Variants in ARK2N observed in about 807,000 individuals in gnomAD.
ARK2N encodes the protein protein ARK2N.
the ARK2N span, among the ~76,000 whole-genome samples, chr18:46,249,580 C>T: frequency 6.6e-6 from 1 of 152,208 alleles, no homozygotes; most frequent in Non-Finnish European, 1.5e-5. Flanking sequence ...CACCTGCCCA[C>T]ACCTACTCTC....
chr18:46,206,260 AT>A, the ARK2N span, among the ~76,000 whole-genome samples: 1 of 148,818 alleles, frequency 6.7e-6, no homozygotes, highest in African/African-American at 2.5e-5. Context: ...TAGTTTTTTA[AT>A]TTTTTGTAGA....
At chr18:46,238,316 A>G in the ARK2N span, among the ~76,000 whole-genome samples, 3 of 152,218 alleles carry the variant, frequency 2.0e-5, no homozygotes, top group Non-Finnish European at 2.9e-5. Flanking sequence ...ATATGGTCAA[A>G]TAGTCAATAT....
the ARK2N span, among the ~76,000 whole-genome samples, chr18:46,181,486 C>CT: frequency 6.6e-6 from 1 of 151,782 alleles, no homozygotes; most frequent in Admixed American, 6.6e-5. Flanking sequence ...GAGGCTGAGG[C>CT]GGCGGATCAT....
At chr18:46,197,853 T>C in the ARK2N span, among the ~76,000 whole-genome samples, 1 of 152,234 alleles carries the variant, frequency 6.6e-6, no homozygotes, top group Non-Finnish European at 1.5e-5. Flanking sequence ...TTCTGCATGA[T>C]GTACTTTCAC....
At chr18:46,207,388 C>CTTTTTTTTTTTTTTTTTTT in the ARK2N span, among the ~76,000 whole-genome samples, 15 of 115,906 alleles carry the variant, frequency 1.3e-4, no homozygotes, top group African/African-American at 4.8e-4. Flanking sequence ...AGTTTCTATA[C>CTTTTTTTTTTTTTTTTTTT]TTTTTTTTTT....
chr18:46,245,029 A>G, the ARK2N span, among the ~76,000 whole-genome samples: 1 of 151,906 alleles, frequency 6.6e-6, no homozygotes, highest in Non-Finnish European at 1.5e-5. Flanking sequence ...CTCCTCGTTC[A>G]AGTGATTCTC....
At chr18:46,222,094 C>T in the ARK2N span, among the ~76,000 whole-genome samples, 1 of 152,136 alleles carries the variant, frequency 6.6e-6, no homozygotes, top group African/African-American at 2.4e-5. Context: ...CATCTGATGC[C>T]CAGACCCCAC....
the ARK2N span, among the ~76,000 whole-genome samples, chr18:46,176,370 A>G: frequency 8.4e-3 from 1,279 of 152,164 alleles, 53 homozygotes; most frequent in East Asian, 0.12. Context: ...CACATAACTG[A>G]GGATATGGAA....
the ARK2N span, among the ~76,000 whole-genome samples, chr18:46,207,389 T>C: frequency 2.4e-5 from 1 of 41,760 alleles, no homozygotes; most frequent in African/African-American, 5.7e-5. Flanking sequence ...GTTTCTATAC[T>C]TTTTTTTTTT....
chr18:46,256,264 A>G, the ARK2N span, among the ~76,000 whole-genome samples: 7 of 152,218 alleles, frequency 4.6e-5, no homozygotes, highest in Non-Finnish European at 1.0e-4. Flanking sequence ...ACTCTGTGCT[A>G]AGACATATCA....
the ARK2N span, among the ~76,000 whole-genome samples, chr18:46,260,670 T>G: frequency 6.6e-6 from 1 of 152,224 alleles, no homozygotes; most frequent in African/African-American, 2.4e-5. Context: ...TCTTTTCCTA[T>G]GCCAGACACT....
chr18:46,225,691 A>G, the ARK2N span, among the ~76,000 whole-genome samples: 2 of 152,128 alleles, frequency 1.3e-5, no homozygotes, highest in Non-Finnish European at 2.9e-5. Context: ...CGAACTCCTG[A>G]CCTCGTGCTC....
chr18:46,248,808 C>G, the ARK2N span, among the ~76,000 whole-genome samples: 1 of 152,166 alleles, frequency 6.6e-6, no homozygotes, highest in Non-Finnish European at 1.5e-5. Flanking sequence ...TGGTCTCCAT[C>G]TCTTGACCTC....
the ARK2N span, among the ~76,000 whole-genome samples, chr18:46,236,679 CT>C: frequency 1.3e-5 from 2 of 152,088 alleles, no homozygotes; most frequent in Non-Finnish European, 2.9e-5. Flanking sequence ...GAAGTAATTA[CT>C]TTGATGTTTT....
the ARK2N span, among the ~76,000 whole-genome samples, chr18:46,204,929 CTT>C: frequency 2.0e-3 from 289 of 145,694 alleles, 2 homozygotes; most frequent in Middle Eastern, 0.021. Context: ...TTTCTTTTTT[CTT>C]TTTTTTTTTA....
chr18:46,227,496 G>A, the ARK2N span, among the ~76,000 whole-genome samples: 1 of 152,032 alleles, frequency 6.6e-6, no homozygotes, highest in Non-Finnish European at 1.5e-5. Context: ...GTTAACTTTG[G>A]GGATGGCTTA....
chr18:46,182,683 C>CTTT, the ARK2N span, among the ~76,000 whole-genome samples: 8 of 87,802 alleles, frequency 9.1e-5, no homozygotes, highest in East Asian at 6.4e-4. Context: ...AGCCACAGTG[C>CTTT]TTTTTTTTTT....
chr18:46,209,409 C>T, the ARK2N span, among the ~76,000 whole-genome samples: 1 of 151,014 alleles, frequency 6.6e-6, no homozygotes, highest in Non-Finnish European at 1.5e-5. Context: ...TCCAGATTTT[C>T]ACAAGTAGCC....
At chr18:46,174,609 C>T in the ARK2N span, among the ~76,000 whole-genome samples, 1 of 152,154 alleles carries the variant, frequency 6.6e-6, no homozygotes, top group Non-Finnish European at 1.5e-5. Flanking sequence ...GGAGTTGGCT[C>T]CGGCACTCCA....
Sources: allele counts gnomAD v4.1 joint callset (sites outside exome capture counted in the v4.1 genomes callset), GRCh38; gene constraint gnomAD v4.1.1; transcripts MANE v1.5; gene names NCBI Gene and HGNC (gene_info 2026-07-23, HGNC 2026-07-21).